Variants in ARFGAP3 observed in about 807,000 individuals in gnomAD.
ARFGAP3 encodes the protein ARF GTPase activating protein 3.
Under a neutral mutation model 75.0 loss-of-function variants are expected in ARFGAP3, and 72 were observed. That is an observed-to-expected ratio of 0.96 (90% CI 0.79 to 1.17). The LOEUF (loss-of-function observed/expected upper bound fraction) is 1.17, where lower values mean the gene tolerates loss of function less well. Ranked by LOEUF, ARFGAP3 falls within the 50% of genes most tolerant of loss-of-function variation. ARFGAP3 has a pLI of 0.00. For missense variants in ARFGAP3, 620 were observed against 626.6 expected (o/e 0.99, Z 0.11); for synonymous variants, 221 against 217.9 (o/e 1.01, Z -0.13).
chr22:42,845,778 G>A lies in ARFGAP3; in HGVS notation c.188+1736C>T, dbSNP rs904541873. On this transcript the variant is annotated intron_variant, in intron 2 of 15. Coordinates refer to ENST00000263245, the MANE Select transcript of ARFGAP3 (RefSeq NM_014570.5). ...GGCAAGGCCAGGCACAGTGGCTCACGCCCGTAATCCCAACACTTTGGGAGG... is the reference window on the plus strand; with the variant it reads ...GGCAAGGCCAGGCACAGTGGCTCACACCCGTAATCCCAACACTTTGGGAGG... Among the ~76,000 whole-genome samples the A allele has an allele frequency of 1.4e-4, 21 of 152,126 alleles. 3 individuals are homozygous for A. The highest frequency in any genetic ancestry group is 7.9e-4 in the Admixed American group (12 of 15,280).
intron 1 of ARFGAP3, among the ~76,000 whole-genome samples, chr22:42,855,740 T>C (rs1473842124): frequency 1.3e-5 from 2 of 148,930 alleles, no homozygotes; most frequent in Admixed American, 1.3e-4. Flanking sequence ...GCCAGCATGG[T>C]GGCTCATGCC....
intron 3 of ARFGAP3, among the ~76,000 whole-genome samples, chr22:42,835,980 CTTT>C (rs545758118): frequency 0.39 from 40,979 of 104,988 alleles, 6,036 homozygotes; most frequent in Non-Finnish European, 0.41. Context: ...CCATTTCTTT[CTTT>C]TTTTTTTTTT....
intron 6 of ARFGAP3, among the ~76,000 whole-genome samples, chr22:42,830,046 T>C (rs910820305): frequency 1.7e-4 from 26 of 152,238 alleles, no homozygotes; most frequent in African/African-American, 6.3e-4. Flanking sequence ...AGCATTCTAC[T>C]GTTTGATGGA....
chr22:42,829,072 T>A (rs1199420211), intron 6 of ARFGAP3, among the ~76,000 whole-genome samples: 1 of 152,224 alleles, frequency 6.6e-6, no homozygotes, highest in African/African-American at 2.4e-5. Context: ...AACGCACTGT[T>A]CCTGTTTGTT....
intron 13 of ARFGAP3, 103 bp from the exon 14 acceptor site, chr22:42,807,266 G>C: frequency 6.8e-7 from 1 of 1,469,610 alleles, no homozygotes; most frequent in Non-Finnish European, 9.0e-7. Flanking sequence ...TTGACCCCCA[G>C]GCTCTTTCTT....
At chr22:42,800,842 G>GT (rs1924823058) in intron 14 of ARFGAP3, among the ~76,000 whole-genome samples, 2 of 152,180 alleles carry the variant, frequency 1.3e-5, no homozygotes, top group Admixed American at 6.5e-5. Flanking sequence ...GTGTGCTCAG[G>GT]TTACACAATG....
At chr22:42,854,074 G>A (rs1455572303) in intron 1 of ARFGAP3, among the ~76,000 whole-genome samples, 1 of 152,174 alleles carries the variant, frequency 6.6e-6, no homozygotes, top group Non-Finnish European at 1.5e-5. Context: ...TGTTCCCAGA[G>A]CCACTCTTCC....
At chr22:42,810,488 AAAAC>A (rs565039560) in intron 12 of ARFGAP3, among the ~76,000 whole-genome samples, 352 of 152,314 alleles carry the variant, frequency 2.3e-3, no homozygotes, top group African/African-American at 8.0e-3. Context: ...ACAAAACAAA[AAAAC>A]AAAATCAAAA....
intron 7 of ARFGAP3, among the ~76,000 whole-genome samples, chr22:42,826,574 T>C (rs1010415434): frequency 2.6e-5 from 4 of 152,020 alleles, no homozygotes; most frequent in Non-Finnish European, 2.9e-5. Flanking sequence ...GTTGTTGTTG[T>C]TGTTTTGTAG....
intron 12 of ARFGAP3, 86 bp downstream of exon 12, chr22:42,810,727 G>A (rs1925329801): frequency 8.4e-7 from 1 of 1,190,276 alleles, no homozygotes; most frequent in African/African-American, 1.5e-5. Flanking sequence ...CCCCTTACAA[G>A]GGTTTTCATG....
intron 5 of ARFGAP3, among the ~76,000 whole-genome samples, chr22:42,832,556 A>G (rs996311528): frequency 2.0e-5 from 3 of 152,106 alleles, no homozygotes; most frequent in South Asian, 2.1e-4. Flanking sequence ...AACGAAAGAA[A>G]AAAAGAAAAT....
rs545758118 is a variant in ARFGAP3 at position 42,835,980 on chromosome 22, CTTTTTT to C, written c.262-493_262-488del. The stretch of plus-strand genomic sequence containing the variant: ...TAATTCACGAGCAATCCATTTCTTT[CTTTTTT>C]TTTTTTTTTTTTTTTTGAGAGAGTC... On this transcript the variant is annotated intron_variant, in intron 3 of 15. Coordinates refer to ENST00000263245, the MANE Select transcript of ARFGAP3 (RefSeq NM_014570.5). Among the ~76,000 whole-genome samples, 4 of 105,742 alleles carry C rather than the reference CTTTTTT, an allele frequency of 3.8e-5. No homozygotes were observed. In the South Asian group the frequency reaches 9.3e-4, roughly 24 times the overall value. The allele number at this position is 105,742 out of a possible 152,430, so 69.4% of individuals were successfully genotyped here.
chr22:42,827,557 G>A (rs1401897269), intron 6 of ARFGAP3, among the ~76,000 whole-genome samples: 1 of 152,112 alleles, frequency 6.6e-6, no homozygotes, highest in African/African-American at 2.4e-5. Flanking sequence ...GTAGAGATGG[G>A]GTTTCTCCAT....
At chr22:42,814,902 TA>T (rs1925513430) in intron 11 of ARFGAP3, among the ~76,000 whole-genome samples, 1 of 152,168 alleles carries the variant, frequency 6.6e-6, no homozygotes, top group African/African-American at 2.4e-5. Context: ...GCTAGGCTAA[TA>T]TTTTTGAAAT....
chr22:42,836,058 C>G (rs556119890), intron 3 of ARFGAP3, among the ~76,000 whole-genome samples: 26 of 148,104 alleles, frequency 1.8e-4, no homozygotes, highest in African/African-American at 6.3e-4. Context: ...TCTCGGTTCA[C>G]TGCAAACTCC....
In ARFGAP3 at chr22:42,815,688, C is replaced by A. The variant is rs1296283430; in HGVS notation, c.1064+1454G>T. On this transcript the variant is annotated intron_variant, in intron 11 of 15. Coordinates refer to ENST00000263245, the MANE Select transcript of ARFGAP3 (RefSeq NM_014570.5). ...ATAAATTGCCAGACAACTCTAATGC[C>A]CTCAGAGACATAAGTGATGGAGCCT... Among the ~76,000 whole-genome samples the A allele has an allele frequency of 5.3e-5, 8 of 152,182 alleles. 1 individual carries two copies. The East Asian group carries it at 1.5e-3, about 29-fold the overall frequency.
chr22:42,819,577 A>G (rs1925724685), intron 9 of ARFGAP3, among the ~76,000 whole-genome samples: 1 of 152,186 alleles, frequency 6.6e-6, no homozygotes, highest in Non-Finnish European at 1.5e-5. Context: ...GACACAGATC[A>G]AACAAGCGGA....
intron 3 of ARFGAP3, among the ~76,000 whole-genome samples, chr22:42,835,928 G>A (rs914388970): frequency 1.3e-5 from 2 of 151,642 alleles, no homozygotes; most frequent in Non-Finnish European, 2.9e-5. Flanking sequence ...TTTATTTGGG[G>A]AAAAGCTTTC....
At chr22:42,803,908 T>C (rs1924994841) in intron 14 of ARFGAP3, among the ~76,000 whole-genome samples, 1 of 147,550 alleles carries the variant, frequency 6.8e-6, no homozygotes, top group Non-Finnish European at 1.5e-5. Flanking sequence ...CTCTTTTTTT[T>C]TTTTTTTTTT....
Sources: gnomAD v4.1 joint callset for allele counts (sites outside exome capture counted in the v4.1 genomes callset) on GRCh38, gnomAD v4.1.1 for gene constraint, MANE v1.5 for transcripts, NCBI Gene and HGNC (gene_info 2026-07-23, HGNC 2026-07-21) for gene names.